Variants in CHORDC1 observed in about 807,000 individuals in gnomAD.
The protein encoded by CHORDC1 is cysteine and histidine-rich domain-containing protein 1.
A neutral mutation model predicts 48.3 loss-of-function variants in CHORDC1; 25 were observed. The observed-to-expected ratio is 0.52, with a 90% CI of 0.38 to 0.72. The LOEUF is 0.72. Among genes scored for constraint, CHORDC1 ranks in the 30% least tolerant of loss-of-function variants. The probability of loss-of-function intolerance (pLI) is 0.00; values close to 1 mark genes in which losing one functional copy is unlikely to be tolerated. For synonymous variants in CHORDC1, 128 were observed against 126.4 expected (o/e 1.01, Z -0.09); for missense variants, 317 against 388.7 (o/e 0.82, Z 1.55).
intron 1 of CHORDC1, 184 bp downstream of exon 1, chr11:90,222,707 G>C (rs1033377462): frequency 2.8e-6 from 2 of 712,656 alleles, no homozygotes; most frequent in East Asian, 2.7e-5. Flanking sequence ...CTCGCCAAGG[G>C]AACGCGGCGC....
Position 90,203,410 on chromosome 11 carries a change from T to C in CHORDC1, c.687A>G (p.Pro229=), listed in dbSNP as rs1157411463. ...TKKDAGKKVV[P]CRHDWHQTGG... is the part of the protein sequence containing the mutation. ...CAGTCTGATGCCAGTCATGTCTACA[T>C]GGAACAACTTTTTTCCCCTGTAATG... Residue 229 remains proline (P), a synonymous_variant, in exon 9 of 11, where the codon CCA becomes CCG. Coordinates refer to ENST00000320585, the MANE Select transcript of CHORDC1 (RefSeq NM_012124.3). The C allele has an allele frequency of 1.3e-6, 2 of 1,565,110 alleles. No individual in the cohort carries two copies. The highest frequency in any genetic ancestry group is 1.7e-6 in the Non-Finnish European group (2 of 1,146,000).
Position 90,218,174 on chromosome 11 carries a change from T to C in CHORDC1, c.75A>G (p.Thr25=), listed in dbSNP as rs1385277244. The C allele has an allele frequency of 6.4e-7, 1 of 1,572,602 alleles. No homozygotes were observed. Among genetic ancestry groups the C allele is most frequent in the African/African-American group, 1.4e-5 (1 of 71,286 alleles). Residue 25 remains threonine (T), a synonymous_variant, in exon 2 of 11, where the codon ACA becomes ACG. Coordinates refer to ENST00000320585, the MANE Select transcript of CHORDC1 (RefSeq NM_012124.3). ...GAAAGACCGGAACACCTGGGTGGTA[T>C]GTGCAAGCATCTGGAGAAAACAGAG... ...DPETNSDDAC[T]YHPGVPVFHD...
intron 6 of CHORDC1, among the ~76,000 whole-genome samples, chr11:90,210,264 C>T (rs141611935): frequency 2.6e-5 from 4 of 152,236 alleles, no homozygotes; most frequent in African/African-American, 9.6e-5. Flanking sequence ...GAAATGTTTG[C>T]TTTATTTGAT....
intron 6 of CHORDC1, 87 bp downstream of exon 6, chr11:90,210,449 A>ATG (rs956088503): frequency 1.3e-6 from 1 of 785,142 alleles, no homozygotes; most frequent in African/African-American, 1.7e-5. Flanking sequence ...ATGCATGCAA[A>ATG]TGTTTGTTGA....
intron 8 of CHORDC1, among the ~76,000 whole-genome samples, chr11:90,203,687 A>G (rs1249813076): frequency 6.8e-6 from 1 of 147,664 alleles, no homozygotes; most frequent in African/African-American, 2.4e-5. Context: ...CATAATATTG[A>G]TACACAGCTA....
intron 10 of CHORDC1, 116 bp from the exon 11 acceptor site, chr11:90,202,667 T>C (rs544941758): frequency 1.4e-6 from 2 of 1,396,040 alleles, no homozygotes; most frequent in Admixed American, 5.0e-5. Context: ...AGGCCTCTTT[T>C]ATATCTAGTC....
At chr11:90,205,669 C>A in intron 7 of CHORDC1, 104 bp from the exon 8 acceptor site, 3 of 689,590 alleles carry the variant, frequency 4.4e-6, no homozygotes, top group South Asian at 1.9e-5. Flanking sequence ...AGTAAGTGTA[C>A]AAACTCTAGC....
intron 6 of CHORDC1, chr11:90,206,681 G>GC (rs1392674629): frequency 5.8e-6 from 4 of 691,402 alleles, no homozygotes; most frequent in Non-Finnish European, 8.7e-6. Context: ...AATCTAATAA[G>GC]CAATTCTGGA....
At position 90,215,242 on chromosome 11, in the gene CHORDC1, A is replaced by C. The variant is rs899087624; in HGVS notation, c.115-12T>G. The C allele has an allele frequency of 6.5e-7, 1 of 1,534,462 alleles. No homozygotes were observed. Among genetic ancestry groups the C allele is most frequent in the African/African-American group, 1.4e-5 (1 of 71,936 alleles). The stretch of plus-strand genomic sequence containing the variant: ...CAGCAAGACCAACCCTATGAAAAAC[A>C]AGAGAAGGAAACTAAAAACTCTATT... On this transcript the variant is annotated splice_polypyrimidine_tract_variant and intron_variant, in intron 2 of 10. Coordinates refer to ENST00000320585, the MANE Select transcript of CHORDC1 (RefSeq NM_012124.3).
intron 4 of CHORDC1, chr11:90,213,582 G>A: frequency 2.0e-6 from 1 of 497,636 alleles, no homozygotes; most frequent in Non-Finnish European, 3.6e-6. Flanking sequence ...ATTAAAAATT[G>A]ACCAGTAGTA....
At chr11:90,222,710 C>G (rs771142434) in intron 1 of CHORDC1, 181 bp downstream of exon 1, 2 of 713,928 alleles carry the variant, frequency 2.8e-6, no homozygotes, top group South Asian at 1.5e-5. Context: ...GCCAAGGGAA[C>G]GCGGCGCAAC....
intron 5 of CHORDC1, chr11:90,210,949 A>G (rs1310216192): frequency 6.5e-6 from 2 of 306,390 alleles, no homozygotes; most frequent in Non-Finnish European, 1.2e-5. Flanking sequence ...TATCAAAGAA[A>G]TTTAGCTGAT....
chr11:90,215,622 ATAGTAACTATCTTTAG>A (rs1857989380), intron 2 of CHORDC1, among the ~76,000 whole-genome samples: 1 of 128,250 alleles, frequency 7.8e-6, no homozygotes, highest in African/African-American at 2.6e-5. Context: ...TAAGTTAAAG[ATAGTAACTATCTTTAG>A]TTAATTTTAA....
At chr11:90,202,650 C>T (rs1368586085) in intron 10 of CHORDC1, 99 bp from the exon 11 acceptor site, 68 of 1,428,672 alleles carry the variant, frequency 4.8e-5, no homozygotes, top group Non-Finnish European at 6.3e-5. Context: ...CAAATCCAAG[C>T]TTCTAAAGGC....
chr11:90,207,975 G>A (rs985255699), intron 6 of CHORDC1: 6 of 151,818 alleles, frequency 4.0e-5, no homozygotes, highest in African/African-American at 1.5e-4. Flanking sequence ...AACTTTTTGA[G>A]AGCCAACATG....
intron 4 of CHORDC1, chr11:90,213,289 A>G: frequency 1.7e-6 from 1 of 594,474 alleles, no homozygotes. Flanking sequence ...GAAAATCATG[A>G]GTTCATAGCA....
At chr11:90,207,778 A>C (rs922439391) in intron 6 of CHORDC1, 1 of 143,506 alleles carries the variant, frequency 7.0e-6, no homozygotes, top group East Asian at 2.1e-4. Flanking sequence ...AAAAAAAAAA[A>C]CAAAAAAAAC....
chr11:90,205,618 T>C, intron 7 of CHORDC1, 53 bp from the exon 8 acceptor site: 1 of 1,117,138 alleles, frequency 9.0e-7, no homozygotes, highest in South Asian at 1.4e-5. Context: ...ACCAATTAAA[T>C]CCACAAGTAT....
At position 90,203,418 on chromosome 11, in the gene CHORDC1, CT is replaced by C; in HGVS notation, c.678del (p.Val227LeufsTer31). ...TGCCAGTCATGTCTACATGGAACAA[CT>C]TTTTTCCCCTGTAATGTAAGAGAAA... ...HMWTKKDAGK[K>X]VVPCRHDWHQ... On this transcript the variant is annotated frameshift_variant, in exon 9 of 11. Coordinates refer to ENST00000320585, the MANE Select transcript of CHORDC1 (RefSeq NM_012124.3). LOFTEE classifies it high-confidence loss of function. 11 of 1,553,558 alleles carry C rather than the reference CT, an allele frequency of 7.1e-6. No individual in the cohort carries two copies. Among genetic ancestry groups the C allele is most frequent in the South Asian group, 6.1e-5 (5 of 82,298 alleles).
Sources: gnomAD v4.1 joint callset for allele counts (sites outside exome capture counted in the v4.1 genomes callset) on GRCh38, gnomAD v4.1.1 for gene constraint, MANE v1.5 for transcripts, NCBI Gene and HGNC (gene_info 2026-07-23, HGNC 2026-07-21) for gene names.